ALPK2: variants seen among roughly 807,000 people sequenced by gnomAD.
The protein encoded by ALPK2 is alpha-protein kinase 2.
Under a neutral mutation model 163.1 loss-of-function variants are expected in ALPK2, and 127 were observed. The observed-to-expected ratio is 0.78, with a 90% CI of 0.67 to 0.90. The LOEUF is 0.90. ALPK2 is among the 40% of genes least tolerant of loss of function. The pLI is 0.00. For missense variants in ALPK2, 2,360 were observed against 2,589.6 expected, an observed-to-expected ratio of 0.91 and a Z score of 1.92; for synonymous variants, 953 against 959.1, an observed-to-expected ratio of 0.99 and a Z score of 0.12.
intron 12 of ALPK2, among the ~76,000 whole-genome samples, chr18:58,491,108 T>C (rs1453943648): frequency 1.3e-5 from 2 of 152,154 alleles, no homozygotes; most frequent in Non-Finnish European, 2.9e-5. Context: ...CAAATGGGAG[T>C]GAAACCACCT....
intron 3 of ALPK2, among the ~76,000 whole-genome samples, chr18:58,592,076 G>T (rs2052017521): frequency 6.6e-6 from 1 of 152,196 alleles, no homozygotes; most frequent in East Asian, 1.9e-4. Context: ...TCATACCACA[G>T]ACCGGGGATG....
chr18:58,613,708 A>AT (rs1555678002), intron 1 of ALPK2, among the ~76,000 whole-genome samples: 1 of 95,184 alleles, frequency 1.1e-5, no homozygotes, highest in African/African-American at 4.2e-5. Context: ...CAAAAAAAAA[A>AT]AATAATAATA....
intron 6 of ALPK2, 192 bp downstream of exon 6, chr18:58,528,899 G>A (rs944884083): frequency 2.9e-6 from 2 of 680,554 alleles, no homozygotes; most frequent in Non-Finnish European, 4.7e-6. Flanking sequence ...ACCTGGGCAA[G>A]AATCCTCCAT....
Position 58,628,858 on chromosome 18 carries a change from T to G in ALPK2, c.-115A>C, listed in dbSNP as rs2052244907. 1 of 152,232 alleles carries G rather than the reference T, an allele frequency of 6.6e-6. No homozygotes were observed. The highest frequency in any genetic ancestry group is 1.5e-5 in the Non-Finnish European group (1 of 68,048). The allele number at this position is 152,232 out of a possible 1,614,324, so 9.4% of individuals were successfully genotyped here. A position where few individuals can be genotyped will look rare whatever the true frequency, so the allele number is the denominator to read the frequency against. On this transcript the variant is annotated 5_prime_UTR_variant, in exon 1 of 13. Coordinates refer to ENST00000361673, the MANE Select transcript of ALPK2 (RefSeq NM_052947.4). ...GTGAGGCATTGATTGGGTGTCCCTG[T>G]TCCCGGGACAGGGATTCAAAGGAGT...
intron 3 of ALPK2, among the ~76,000 whole-genome samples, chr18:58,605,252 T>A (rs570205330): frequency 8.1e-4 from 123 of 152,328 alleles, no homozygotes; most frequent in Non-Finnish European, 1.4e-3. Context: ...CTATTTTTTT[T>A]AAAGCATATT....
intron 10 of ALPK2, among the ~76,000 whole-genome samples, chr18:58,510,536 T>G (rs914203528): frequency 2.0e-5 from 3 of 152,248 alleles, no homozygotes; most frequent in African/African-American, 7.2e-5. Flanking sequence ...GTTCTTCCAT[T>G]TGTTTGTATC....
chr18:58,610,296 A>C (rs915737688), intron 2 of ALPK2, among the ~76,000 whole-genome samples: 6 of 151,642 alleles, frequency 4.0e-5, no homozygotes, highest in Non-Finnish European at 7.4e-5. Flanking sequence ...AAAAAAAAAA[A>C]AAGAGCAAGG....
At chr18:58,556,460 G>A (rs2051792137) in intron 4 of ALPK2, among the ~76,000 whole-genome samples, 1 of 152,152 alleles carries the variant, frequency 6.6e-6, no homozygotes, top group African/African-American at 2.4e-5. Context: ...TATCTCACAG[G>A]GCTGTTGAGA....
intron 9 of ALPK2, among the ~76,000 whole-genome samples, 161 bp from the exon 10 acceptor site, chr18:58,515,242 G>A (rs1281094616): frequency 6.6e-6 from 1 of 152,210 alleles, no homozygotes; most frequent in Non-Finnish European, 1.5e-5. Flanking sequence ...TTAGAACCTA[G>A]AGTTGGCCAC....
intron 4 of ALPK2, among the ~76,000 whole-genome samples, chr18:58,548,299 G>A (rs1305357927): frequency 6.6e-6 from 1 of 151,718 alleles, no homozygotes; most frequent in East Asian, 1.9e-4. Flanking sequence ...GATAGTGATA[G>A]GACCTCGGGT....
intron 4 of ALPK2, among the ~76,000 whole-genome samples, chr18:58,575,519 G>C (rs530920664): frequency 1.3e-5 from 2 of 152,208 alleles, no homozygotes; most frequent in African/African-American, 4.8e-5. Flanking sequence ...CCTCTGGGGC[G>C]AACCTGGGCA....
chr18:58,526,515 C>T (rs776293036), intron 6 of ALPK2, among the ~76,000 whole-genome samples: 2 of 152,174 alleles, frequency 1.3e-5, no homozygotes, highest in African/African-American at 2.4e-5. Context: ...TCAGTAGGGC[C>T]GCTCTACGTG....
At chr18:58,594,427 C>T (rs1354705613) in intron 3 of ALPK2, among the ~76,000 whole-genome samples, 2 of 152,264 alleles carry the variant, frequency 1.3e-5, no homozygotes, top group African/African-American at 2.4e-5. Flanking sequence ...GCATAATGTC[C>T]CAGAAATCTT....
rs765682390 is a variant in ALPK2, at chr18:58,482,081, G to A, written c.6297-42C>T. ...AAGGAAACATAGCTTTTAAAAACAGGACACTTTCATCAGTTTAAAAAGAAA... is the reference window on the plus strand; with the variant it reads ...AAGGAAACATAGCTTTTAAAAACAGAACACTTTCATCAGTTTAAAAAGAAA... On this transcript the variant is annotated intron_variant, in intron 12 of 12. Coordinates refer to ENST00000361673, the MANE Select transcript of ALPK2 (RefSeq NM_052947.4). 6 of 1,466,368 alleles carry A rather than the reference G, an allele frequency of 4.1e-6. No homozygotes were observed. In the East Asian group the frequency reaches 1.1e-4, roughly 28 times the overall value. The allele number at this position is 1,466,368 out of a possible 1,614,324, so 90.8% of individuals were successfully genotyped here. A position where few individuals can be genotyped will look rare whatever the true frequency, so the allele number is the denominator to read the frequency against.
intron 2 of ALPK2, among the ~76,000 whole-genome samples, chr18:58,610,875 A>G (rs1279928460): frequency 2.0e-5 from 3 of 151,978 alleles, no homozygotes; most frequent in Non-Finnish European, 4.4e-5. Flanking sequence ...CAGGCAGACC[A>G]CCTGAGGTCA....
intron 1 of ALPK2, among the ~76,000 whole-genome samples, chr18:58,616,904 G>T (rs775284643): frequency 6.6e-6 from 1 of 152,076 alleles, no homozygotes; most frequent in Admixed American, 6.6e-5. Flanking sequence ...TGTTCCGGGG[G>T]CTTGGGGGGT....
chr18:58,554,552 T>C (rs3897936), intron 4 of ALPK2, among the ~76,000 whole-genome samples: 67,984 of 152,094 alleles, frequency 0.45, 16,136 homozygotes, highest in East Asian at 0.61. Flanking sequence ...GTCCCCTCCC[T>C]GGCAGCCTGC....
chr18:58,509,497 C>T (rs941626668), intron 10 of ALPK2, among the ~76,000 whole-genome samples: 1 of 152,154 alleles, frequency 6.6e-6, no homozygotes, highest in Non-Finnish European at 1.5e-5. Context: ...TATAGTCCCA[C>T]CAACAGTGTA....
At chr18:58,611,643 T>C in intron 2 of ALPK2, 46 bp downstream of exon 2, 1 of 1,529,280 alleles carries the variant, frequency 6.5e-7, no homozygotes, top group Non-Finnish European at 9.0e-7. Context: ...AAACCTGGTA[T>C]GCAGGGAGAT....
Sources: allele counts gnomAD v4.1 joint callset (sites outside exome capture counted in the v4.1 genomes callset), GRCh38; gene constraint gnomAD v4.1.1; transcripts MANE v1.5; gene names NCBI Gene and HGNC (gene_info 2026-07-23, HGNC 2026-07-21).